The following GNAI3 variants were observed in gnomAD, a reference collection of about 807,000 sequenced individuals.
GNAI3 encodes the protein G protein subunit alpha i3, also known as guanine nucleotide-binding protein G(i) subunit alpha-3.
Under a neutral mutation model 41.8 loss-of-function variants are expected in GNAI3, and 12 were observed. The ratio of observed to expected loss-of-function variants is 0.29; its 90% CI spans 0.18 to 0.47. The LOEUF is 0.47. GNAI3 is among the 20% of genes least tolerant of loss of function. The pLI is 1.00. For synonymous variants in GNAI3, 132 were observed against 146.5 expected (o/e 0.90, Z 0.71); for missense variants, 360 against 429.6 (o/e 0.84, Z 1.43).
At chr1:109,554,184 A>G (rs1408922558) in intron 1 of GNAI3, among the ~76,000 whole-genome samples, 2 of 152,192 alleles carry the variant, frequency 1.3e-5, no homozygotes, top group Non-Finnish European at 2.9e-5. Flanking sequence ...TTGTGCTGCT[A>G]TAAACATGCG....
At chr1:109,552,910 C>T (rs1472823393) in intron 1 of GNAI3, among the ~76,000 whole-genome samples, 2 of 152,166 alleles carry the variant, frequency 1.3e-5, no homozygotes, top group Non-Finnish European at 2.9e-5. Context: ...TCTACCTCCA[C>T]TTATTAGCTC....
At chr1:109,553,725 A>G (rs997715967) in intron 1 of GNAI3, among the ~76,000 whole-genome samples, 88 of 152,124 alleles carry the variant, frequency 5.8e-4, no homozygotes, top group African/African-American at 2.1e-3. Context: ...TTAACATTTC[A>G]ATAGGTTTTT....
chr1:109,565,549 A>G (rs1648429177), intron 1 of GNAI3, among the ~76,000 whole-genome samples: 2 of 152,228 alleles, frequency 1.3e-5, no homozygotes, highest in African/African-American at 4.8e-5. Flanking sequence ...TACGTTGAAG[A>G]TTCCATCCAT....
chr1:109,559,984 G>A (rs1338774557), intron 1 of GNAI3, among the ~76,000 whole-genome samples: 1 of 152,194 alleles, frequency 6.6e-6, no homozygotes, highest in Admixed American at 6.5e-5. Context: ...TGTATCTGAT[G>A]TGAACTAAGC....
chr1:109,556,524 A>G (rs1307190594), intron 1 of GNAI3, among the ~76,000 whole-genome samples: 2 of 152,086 alleles, frequency 1.3e-5, no homozygotes, highest in African/African-American at 2.4e-5. Flanking sequence ...ATTTTTGAAA[A>G]ATCTGTTTTC....
rs1482064566 is a variant in GNAI3, at chr1:109,586,207, C to G, written c.591-9C>G. On this transcript the variant is annotated splice_polypyrimidine_tract_variant and intron_variant, in intron 5 of 8. Coordinates refer to ENST00000369851, the MANE Select transcript of GNAI3 (RefSeq NM_006496.4). ...CCTTGCTGAATTTGCTTTCTTTCCC[C>G]TTGCGCAGGATGTTTGATGTAGGTG... 1 of 1,611,912 alleles carries G rather than the reference C, an allele frequency of 6.2e-7. No individual in the cohort carries two copies. Among genetic ancestry groups the G allele is most frequent in the Non-Finnish European group, 8.5e-7 (1 of 1,178,778 alleles).
At chr1:109,577,083 T>A (rs1026711022) in intron 3 of GNAI3, among the ~76,000 whole-genome samples, 1 of 151,658 alleles carries the variant, frequency 6.6e-6, no homozygotes, top group Non-Finnish European at 1.5e-5. Context: ...TAGGTCAAAT[T>A]TCAGAACCAG....
intron 3 of GNAI3, among the ~76,000 whole-genome samples, chr1:109,576,517 G>C (rs1425880697): frequency 6.7e-6 from 1 of 149,808 alleles, no homozygotes; most frequent in Non-Finnish European, 1.5e-5. Context: ...TTTTTTTGTT[G>C]TTGTTTTTTG....
chr1:109,586,164 G>C (rs763434464), intron 5 of GNAI3, 52 bp from the exon 6 acceptor site: 45 of 1,531,638 alleles, frequency 2.9e-5, no homozygotes, highest in Non-Finnish European at 4.0e-5. Context: ...TTCAGTTTAG[G>C]GGAAGGTGTA....
At position 109,586,873 on chromosome 1, in the gene GNAI3, G is replaced by T; in HGVS notation, c.865G>T (p.Glu289Ter). 6.3e-7 allele frequency: 1 copy of T among 1,596,576 alleles called. No individual in the cohort carries two copies. The highest frequency in any genetic ancestry group is 1.1e-5 in the South Asian group (1 of 90,610). Residue 289 changes from glutamate (E) to a stop codon, truncating the protein, a stop_gained, in exon 7 of 9, where the codon GAA becomes TAA. Transcript: ENST00000369851. LOFTEE classifies it high-confidence loss of function. ...KRSPLTICYP[E>*]YTGSNTYEEA... ...GAGTCCGTTAACTATCTGTTATCCA[G>T]AATACACAGGTAAGGGGTTATGAAA...
intron 7 of GNAI3, among the ~76,000 whole-genome samples, chr1:109,587,900 GA>G (rs1372948213): frequency 6.6e-6 from 1 of 152,156 alleles, no homozygotes; most frequent in Non-Finnish European, 1.5e-5. Flanking sequence ...GGCAAGAATG[GA>G]CAGGTCTTAG....
chr1:109,588,630 C>T (rs1306280728), intron 7 of GNAI3, among the ~76,000 whole-genome samples: 1 of 152,068 alleles, frequency 6.6e-6, no homozygotes, highest in African/African-American at 2.4e-5. Context: ...TGCAGTGGCT[C>T]ATGCCTGTAA....
In GNAI3 at chr1:109,579,342, C is replaced by G. The variant is rs768230604; in HGVS notation, c.442C>G (p.Leu148Val). Residue 148 changes from leucine (L) to valine (V), a missense_variant, in exon 4 of 9, where the codon CTC (leucine) becomes GTC (valine). Physicochemically the swap from Leu to Val is conservative, Grantham distance 32. Transcript: ENST00000369851. Reference protein sequence around the residue: ...ACFSRSREYQLNDSASYYLND... With the variant: ...ACFSRSREYQVNDSASYYLND... ...CTTCAGCAGATCCAGGGAATATCAGCTCAATGATTCTGCTTCATAGTAAGT... is the reference window on the plus strand; with the variant it reads ...CTTCAGCAGATCCAGGGAATATCAGGTCAATGATTCTGCTTCATAGTAAGT... The G allele has an allele frequency of 4.3e-6, 7 of 1,612,412 alleles. No individual in the cohort carries two copies. In the African/African-American group the frequency reaches 9.3e-5, roughly 22 times the overall value.
intron 1 of GNAI3, among the ~76,000 whole-genome samples, chr1:109,573,297 T>C (rs1222297374): frequency 6.6e-6 from 1 of 152,196 alleles, no homozygotes; most frequent in African/African-American, 2.4e-5. Context: ...TCTTTAGTCC[T>C]GTGACTGGTA....
At chr1:109,552,276 G>C (rs1294642285) in intron 1 of GNAI3, among the ~76,000 whole-genome samples, 1 of 152,076 alleles carries the variant, frequency 6.6e-6, no homozygotes, top group Non-Finnish European at 1.5e-5. Context: ...CAATGTTCCA[G>C]TGCTTAGGAT....
chr1:109,558,884 A>G (rs758489686), intron 1 of GNAI3, among the ~76,000 whole-genome samples: 3 of 152,036 alleles, frequency 2.0e-5, no homozygotes, highest in Admixed American at 6.6e-5. Context: ...AGGTCTTCAT[A>G]ATAAGGAATG....
At chr1:109,569,095 TCTCAAA>T in intron 1 of GNAI3, among the ~76,000 whole-genome samples, 1 of 152,346 alleles carries the variant, frequency 6.6e-6, no homozygotes, top group Admixed American at 6.5e-5. Flanking sequence ...CTCCTTTTAT[TCTCAAA>T]AATCTCCGTG....
chr1:109,580,646 A>G (rs1324404692), intron 4 of GNAI3, among the ~76,000 whole-genome samples: 2 of 152,246 alleles, frequency 1.3e-5, no homozygotes, highest in African/African-American at 4.8e-5. Context: ...ATGAACCTGT[A>G]CAGCATGTTA....
rs889676526 is a variant in GNAI3 at position 109,596,520 on chromosome 1, A to T, written c.*4198A>T. 6.6e-6 allele frequency: 1 copy of T among 152,236 alleles called. No homozygotes were observed. The highest frequency in any genetic ancestry group is 2.4e-5 in the African/African-American group (1 of 41,438). The allele number at this position is 152,236 out of a possible 1,614,324, so 9.4% of individuals were successfully genotyped here. On this transcript the variant is annotated 3_prime_UTR_variant, in exon 9 of 9. Transcript: ENST00000369851. ...AGGCATGTGCCACCACATCTGGCTA[A>T]CTTTTGTATTTCTAGTAGAGACAGG...
Sources: allele counts gnomAD v4.1 joint callset (sites outside exome capture counted in the v4.1 genomes callset), GRCh38; gene constraint gnomAD v4.1.1; transcripts MANE v1.5; gene names NCBI Gene and HGNC (gene_info 2026-07-23, HGNC 2026-07-21).